Variants in CRADD observed in about 807,000 individuals in gnomAD.
CRADD encodes the protein death domain-containing protein CRADD.
Under a neutral mutation model 15.5 loss-of-function variants are expected in CRADD, and 9 were observed. The ratio of observed to expected loss-of-function variants is 0.58; its 90% CI spans 0.35 to 1.01. The LOEUF is 1.01. Ranked by LOEUF, CRADD falls within the 50% of genes least tolerant of loss-of-function variation. The pLI, the probability that CRADD is intolerant of heterozygous loss-of-function variation, is 0.02. For synonymous variants in CRADD, 118 were observed against 107.6 expected (o/e 1.10, Z -0.60); for missense variants, 227 against 250.3 (o/e 0.91, Z 0.63).
intron 2 of CRADD, chr12:93,815,565 T>G (rs910176088): frequency 1.3e-5 from 2 of 152,230 alleles, no homozygotes; most frequent in African/African-American, 4.8e-5. Context: ...TTATATGATC[T>G]ATGGATTTTA....
chr12:93,818,001 G>C (rs762570236), intron 2 of CRADD, among the ~76,000 whole-genome samples: 13 of 152,220 alleles, frequency 8.5e-5, no homozygotes, highest in Non-Finnish European at 1.6e-4. Context: ...CCCCCCGCCA[G>C]GTCTGGTCCT....
chr12:93,866,593 A>G (rs989104722), intron 2 of CRADD, among the ~76,000 whole-genome samples: 5 of 152,118 alleles, frequency 3.3e-5, no homozygotes, highest in Non-Finnish European at 7.3e-5. Flanking sequence ...GGCTTTCTTT[A>G]AAAGGTGATC....
intron 2 of CRADD, among the ~76,000 whole-genome samples, chr12:93,757,401 G>A (rs1365269317): frequency 6.6e-6 from 1 of 152,150 alleles, no homozygotes; most frequent in Non-Finnish European, 1.5e-5. Context: ...CTGGTTATCT[G>A]TAGAAAAATA....
intron 2 of CRADD, among the ~76,000 whole-genome samples, chr12:93,834,649 C>A (rs143510016): frequency 6.6e-6 from 1 of 152,112 alleles, no homozygotes; most frequent in Non-Finnish European, 1.5e-5. Flanking sequence ...CCACCACATC[C>A]GGCTAATTTT....
At chr12:93,822,984 A>G (rs1289584146) in intron 2 of CRADD, among the ~76,000 whole-genome samples, 1 of 152,218 alleles carries the variant, frequency 6.6e-6, no homozygotes, top group Non-Finnish European at 1.5e-5. Flanking sequence ...TGCAAACAAA[A>G]TATACTCATT....
At chr12:93,753,504 C>A (rs1236758290) in intron 2 of CRADD, among the ~76,000 whole-genome samples, 4 of 152,136 alleles carry the variant, frequency 2.6e-5, no homozygotes, top group Non-Finnish European at 5.9e-5. Flanking sequence ...AAGGCAAGTC[C>A]CTTCCGCTTA....
At chr12:93,851,740 A>C (rs772338136), downstream of CRADD, among the ~76,000 whole-genome samples, 3 of 152,224 alleles carry the variant, frequency 2.0e-5, no homozygotes. Context: ...TCTGTGATCT[A>C]TCCTTCTTAA....
At chr12:93,738,788 A>T (rs1956624664) in intron 2 of CRADD, among the ~76,000 whole-genome samples, 1 of 151,978 alleles carries the variant, frequency 6.6e-6, no homozygotes, top group Non-Finnish European at 1.5e-5. Context: ...ACAAACTCTG[A>T]CTAGAAAGAA....
intron 2 of CRADD, among the ~76,000 whole-genome samples, chr12:93,684,267 A>T (rs1040653276): frequency 6.6e-6 from 1 of 152,110 alleles, no homozygotes; most frequent in Non-Finnish European, 1.5e-5. Context: ...TTTTCAACCA[A>T]CGGGAGAGTT....
In CRADD at chr12:93,686,297, T is replaced by TC. The variant is rs139496631; in HGVS notation, c.298+7232dup. ...GCCTGGGCAACAGAGTGAGACTCCA[T>TC]CCCCCCCAAAAAAAAAAAAAAAAAA... is the stretch of plus-strand genomic sequence containing the variant. On this transcript the variant is annotated intron_variant, in intron 2 of 2. Coordinates refer to ENST00000332896, the MANE Select transcript of CRADD (RefSeq NM_003805.5). 1.1e-3 allele frequency among the ~76,000 whole-genome samples: 97 copies of TC among 87,600 alleles called. 1 individual carries two copies. The highest frequency in any genetic ancestry group is 7.5e-3 in the Middle Eastern group (1 of 134). The allele number at this position is 87,600 out of a possible 152,430, so 57.5% of individuals were successfully genotyped here. A position where few individuals can be genotyped will look rare whatever the true frequency, so the allele number is the denominator to read the frequency against.
intron 2 of CRADD, among the ~76,000 whole-genome samples, chr12:93,694,502 A>G (rs930095149): frequency 5.9e-5 from 9 of 152,178 alleles, no homozygotes; most frequent in Non-Finnish European, 1.3e-4. Context: ...AATAAAAGGT[A>G]TCTAGATTAG....
chr12:93,717,083 G>A (rs1471876113), intron 2 of CRADD, among the ~76,000 whole-genome samples: 1 of 152,198 alleles, frequency 6.6e-6, no homozygotes, highest in African/African-American at 2.4e-5. Context: ...TGGGTGTATA[G>A]TGGTATCTCA....
intron 2 of CRADD, among the ~76,000 whole-genome samples, chr12:93,705,477 C>T (rs1592905173): frequency 6.6e-6 from 1 of 152,180 alleles, no homozygotes; most frequent in Non-Finnish European, 1.5e-5. Context: ...AGACAGATGA[C>T]CTTAATGATC....
At chr12:93,724,187 C>G (rs1956312714) in intron 2 of CRADD, among the ~76,000 whole-genome samples, 1 of 152,004 alleles carries the variant, frequency 6.6e-6, no homozygotes, top group Non-Finnish European at 1.5e-5. Flanking sequence ...CGAGGCCAGC[C>G]TGGATAACAT....
intron 2 of CRADD, among the ~76,000 whole-genome samples, chr12:93,861,622 A>G (rs896267448): frequency 2.0e-5 from 3 of 152,158 alleles, no homozygotes; most frequent in Non-Finnish European, 4.4e-5. Flanking sequence ...ACCCCAGTTC[A>G]GAGCTCCTCA....
Position 93,838,376 on chromosome 12 carries a change from G to C in CRADD, c.299-11594G>C, listed in dbSNP as rs1451436028. Among the ~76,000 whole-genome samples, 3 of 151,616 alleles carry C rather than the reference G, an allele frequency of 2.0e-5. No individual in the cohort carries two copies. The East Asian group carries it at 5.9e-4, about 30-fold the overall frequency. On this transcript the variant is annotated intron_variant, in intron 2 of 2. Coordinates refer to ENST00000332896, the MANE Select transcript of CRADD (RefSeq NM_003805.5). Reference sequence around the variant, plus strand: ...CCTGGAACAGCCCCGCCCTACCCCTGACCTCCTCCACTCCACCACTCTACT... The same window carrying C: ...CCTGGAACAGCCCCGCCCTACCCCTCACCTCCTCCACTCCACCACTCTACT...
At chr12:93,775,747 CA>C (rs1467744474) in intron 2 of CRADD, among the ~76,000 whole-genome samples, 1 of 152,064 alleles carries the variant, frequency 6.6e-6, no homozygotes. Flanking sequence ...TCAGGGTTGC[CA>C]GGGGTCGATT....
At chr12:93,835,407 G>A (rs1409309441) in intron 2 of CRADD, among the ~76,000 whole-genome samples, 4 of 151,922 alleles carry the variant, frequency 2.6e-5, no homozygotes, top group Admixed American at 6.6e-5. Context: ...ATTGAACCAG[G>A]GTACATGTTT....
chr12:93,829,940 C>T (rs967274341), intron 2 of CRADD, among the ~76,000 whole-genome samples: 1 of 152,132 alleles, frequency 6.6e-6, no homozygotes. Flanking sequence ...AATCCGCCCA[C>T]CTCGGCCTCC....
Sources: allele counts gnomAD v4.1 joint callset (sites outside exome capture counted in the v4.1 genomes callset), GRCh38; gene constraint gnomAD v4.1.1; transcripts MANE v1.5; gene names NCBI Gene and HGNC (gene_info 2026-07-23, HGNC 2026-07-21).